The following CPA5 variants were observed in gnomAD, a reference collection of about 807,000 sequenced individuals.
CPA5 encodes testicular tissue protein Li 32.
CPA5 carries 38 observed loss-of-function variants against 52.2 expected under a neutral mutation model. That is an observed-to-expected ratio of 0.73 (90% confidence interval 0.56 to 0.95). The LOEUF (loss-of-function observed/expected upper bound fraction) is 0.95, where lower values mean the gene tolerates loss of function less well. Ranked by LOEUF, CPA5 falls within the 40% of genes least tolerant of loss-of-function variation. The pLI, the probability that CPA5 is intolerant of heterozygous loss-of-function variation, is 0.00. For synonymous variants in CPA5, 198 were observed against 213.7 expected (o/e 0.93, Z 0.64); for missense variants, 519 against 566.7 (o/e 0.92, Z 0.86).
chr7:130,365,045 G>T (rs1398038476), intron 10 of CPA5, among the ~76,000 whole-genome samples: 1 of 152,220 alleles, frequency 6.6e-6, no homozygotes, highest in African/African-American at 2.4e-5. Context: ...CTATAGGCTG[G>T]TGTCCCAACC....
downstream of CPA5, among the ~76,000 whole-genome samples, chr7:130,370,015 C>T (rs1384543690): frequency 6.6e-6 from 1 of 152,208 alleles, no homozygotes; most frequent in Non-Finnish European, 1.5e-5. Flanking sequence ...GGAGACTAGA[C>T]AGAGGATTAG....
rs184832155 is a variant in CPA5 at position 130,344,864 on chromosome 7, C to G, written c.-493C>G. On this transcript the variant is annotated 5_prime_UTR_variant, in exon 1 of 13. Transcript: ENST00000474905. ...ACTCTTATTCTTTCTCTCTCACTCT[C>G]TCTCTTTTCCCACCCTTAAGCCAAG... is the stretch of plus-strand genomic sequence containing the variant. 6.6e-6 allele frequency: 1 copy of G among 152,328 alleles called. No individual in the cohort carries two copies. The highest frequency in any genetic ancestry group is 2.4e-5 in the African/African-American group (1 of 41,568). 9.4% of individuals were successfully genotyped at this position (152,328 alleles called of 1,614,324 possible).
intron 10 of CPA5, 132 bp from the exon 11 acceptor site, chr7:130,367,240 A>C: frequency 1.4e-6 from 1 of 728,872 alleles, no homozygotes. Flanking sequence ...CCATTGGTCA[A>C]AGTAGTCACA....
intron 1 of CPA5, 198 bp downstream of exon 1, chr7:130,345,403 C>G (rs928721858): frequency 1.3e-5 from 2 of 152,230 alleles, no homozygotes; most frequent in African/African-American, 4.8e-5. Context: ...ACCCCCACCC[C>G]CTGTGGATTT....
At chr7:130,359,780 G>C in intron 6 of CPA5, 93 bp downstream of exon 6, 1 of 816,490 alleles carries the variant, frequency 1.2e-6, no homozygotes, top group South Asian at 1.6e-5. Context: ...GGACTCCAGG[G>C]TTTATGGGAA....
At chr7:130,353,242 C>G (rs917146684) in intron 5 of CPA5, among the ~76,000 whole-genome samples, 1 of 149,854 alleles carries the variant, frequency 6.7e-6, no homozygotes, top group African/African-American at 2.5e-5. Flanking sequence ...TCCCTGTCCG[C>G]CAGCAGGCTG....
At chr7:130,361,372 G>C (rs781858113) in intron 7 of CPA5, 128 bp downstream of exon 7, 2 of 661,380 alleles carry the variant, frequency 3.0e-6, no homozygotes, top group Non-Finnish European at 5.4e-6. Flanking sequence ...CCTGTCCCCA[G>C]GTGACCCATA....
intron 5 of CPA5, among the ~76,000 whole-genome samples, chr7:130,351,569 C>G (rs1795144583): frequency 6.6e-6 from 1 of 152,136 alleles, no homozygotes; most frequent in African/African-American, 2.4e-5. Context: ...TTCACCAACT[C>G]GCTCTTCCTG....
chr7:130,344,894 G>C lies in CPA5; in HGVS notation c.-463G>C, dbSNP rs782005677. Reference sequence around the variant, plus strand: ...TTTTCCCACCCTTAAGCCAAGTACAGGGATAGTTGTCTCATCATTGGTGGC... The same window carrying C: ...TTTTCCCACCCTTAAGCCAAGTACACGGATAGTTGTCTCATCATTGGTGGC... On this transcript the variant is annotated 5_prime_UTR_variant, in exon 1 of 13. Coordinates refer to ENST00000474905, the MANE Select transcript of CPA5 (RefSeq NM_080385.5). The C allele has an allele frequency of 3.9e-5, 6 of 152,128 alleles. No homozygotes were observed. Among genetic ancestry groups the C allele is most frequent in the Non-Finnish European group, 8.8e-5 (6 of 68,032 alleles). The allele number at this position is 152,128 out of a possible 1,614,324, so 9.4% of individuals were successfully genotyped here.
downstream of CPA5, among the ~76,000 whole-genome samples, chr7:130,373,526 G>A (rs1331303254): frequency 6.6e-6 from 1 of 152,258 alleles, no homozygotes; most frequent in African/African-American, 2.4e-5. Context: ...GCCTGTGTGA[G>A]GCCAGGCTGG....
intron 1 of CPA5, 55 bp from the exon 2 acceptor site, chr7:130,345,784 G>A (rs1794695541): frequency 6.6e-6 from 1 of 152,222 alleles, no homozygotes; most frequent in Non-Finnish European, 1.5e-5. Flanking sequence ...GATCTCAAAT[G>A]CAGCTGTGAC....
rs1327932695 is a variant in CPA5, at chr7:130,356,138, G to A, written c.334-3451G>A. 1.6e-4 allele frequency among the ~76,000 whole-genome samples: 25 copies of A among 152,158 alleles called. 1 individual carries two copies. The highest frequency in any genetic ancestry group is 1.6e-3 in the Admixed American group (25 of 15,282). On this transcript the variant is annotated intron_variant, in intron 5 of 12. Transcript: ENST00000474905. ...TGTCCCAGAGCCCCCAACCCACTCTGTTTCCATGAGCTGCGTCCATTTTGC... is the reference window on the plus strand; with the variant it reads ...TGTCCCAGAGCCCCCAACCCACTCTATTTCCATGAGCTGCGTCCATTTTGC...
In CPA5 at chr7:130,368,723, G is replaced by C. The variant is rs1796241150; in HGVS notation, c.*126G>C. On this transcript the variant is annotated 3_prime_UTR_variant, in exon 13 of 13. Transcript: ENST00000474905. ...CCTCTTAGAAAATAAATACAAGTTTGAACAGGCTTCGCTGCCTCTCGTGTT... is the reference window on the plus strand; with the variant it reads ...CCTCTTAGAAAATAAATACAAGTTTCAACAGGCTTCGCTGCCTCTCGTGTT... 4 of 1,008,892 alleles carry C rather than the reference G, an allele frequency of 4.0e-6. No homozygotes were observed. The highest frequency in any genetic ancestry group is 4.9e-5 in the Admixed American group (2 of 40,998). 62.5% of individuals were successfully genotyped at this position (1,008,892 alleles called of 1,614,324 possible). A position where few individuals can be genotyped will look rare whatever the true frequency, so the allele number is the denominator to read the frequency against.
intron 4 of CPA5, among the ~76,000 whole-genome samples, chr7:130,348,969 G>C (rs1408222194): frequency 3.3e-5 from 5 of 152,148 alleles, no homozygotes; most frequent in African/African-American, 1.2e-4. Context: ...GTCACTTAGT[G>C]GCCATCTCGG....
chr7:130,370,492 C>A (rs781866133), downstream of CPA5, among the ~76,000 whole-genome samples: 1 of 152,174 alleles, frequency 6.6e-6, no homozygotes, highest in Non-Finnish European at 1.5e-5. Flanking sequence ...GTGATTATAA[C>A]TTTTATGCTG....
Position 130,362,965 on chromosome 7 carries a change from C to A in CPA5, c.718C>A (p.Pro240Thr), listed in dbSNP as rs782008066. Residue 240 changes from proline (P) to threonine (T), a missense_variant, in exon 9 of 13, where the codon CCT becomes ACT. Coordinates refer to ENST00000474905, the MANE Select transcript of CPA5 (RefSeq NM_080385.5). Reference protein sequence around the residue: ...MDIFIELVTNPDGFAFTHSMN... With the variant: ...MDIFIELVTNTDGFAFTHSMN... ...CATCTTCATAGAGCTCGTCACAAACCCTGATGGGTTTGCTTTTACCCACAG... is the reference window on the plus strand; with the variant it reads ...CATCTTCATAGAGCTCGTCACAAACACTGATGGGTTTGCTTTTACCCACAG... 6.2e-7 allele frequency: 1 copy of A among 1,613,190 alleles called. No homozygotes were observed.
rs1796190612 is a variant in CPA5 at position 130,367,932 on chromosome 7, G to A, written c.1065G>A (p.Glu355=). The A allele has an allele frequency of 2.5e-6, 4 of 1,614,202 alleles. No individual in the cohort carries two copies. Among genetic ancestry groups the A allele is most frequent in the East Asian group, 2.2e-5 (1 of 44,864 alleles). The part of the protein sequence containing the change: ...ELYDLAKDAV[E]ALYKVHGIEY... ...ACGATCTTGCCAAGGATGCGGTGGA[G>A]GCCTTGTATAAGGTCCATGGGATCG... Residue 355 remains glutamate, a synonymous_variant, in exon 12 of 13, where the codon GAG becomes GAA. Coordinates refer to ENST00000474905, the MANE Select transcript of CPA5 (RefSeq NM_080385.5).
At chr7:130,358,034 A>G (rs1271761940) in intron 5 of CPA5, among the ~76,000 whole-genome samples, 1 of 151,158 alleles carries the variant, frequency 6.6e-6, no homozygotes, top group African/African-American at 2.4e-5. Flanking sequence ...CCTGGAGTAC[A>G]GTGGTACGAT....
chr7:130,374,209 TGGCCTGCCGGCGTGGGACA>T, the CPA5 span, among the ~76,000 whole-genome samples: 73 of 152,268 alleles, frequency 4.8e-4, no homozygotes, highest in African/African-American at 1.4e-3. Flanking sequence ...TCCTCCAGCA[TGGCCTGCCGGCGTGGGACA>T]GGCCTGCCCC....
Sources: allele counts gnomAD v4.1 joint callset (sites outside exome capture counted in the v4.1 genomes callset), GRCh38; gene constraint gnomAD v4.1.1; transcripts MANE v1.5; gene names NCBI Gene and HGNC (gene_info 2026-07-23, HGNC 2026-07-21).